The following LYPLAL1 variants were observed in gnomAD, a reference collection of about 807,000 sequenced individuals.
LYPLAL1 encodes lysophospholipase-like protein 1.
A neutral mutation model predicts 19.7 loss-of-function variants in LYPLAL1; 23 were observed. That is an observed-to-expected ratio of 1.17 (90% CI 0.84 to 1.65). LYPLAL1 has a LOEUF of 1.65. Ranked by LOEUF, LYPLAL1 falls within the 40% of genes most tolerant of loss-of-function variation. The pLI, the probability that LYPLAL1 is intolerant of heterozygous loss-of-function variation, is 0.00. For missense variants in LYPLAL1, 355 were observed against 279.4 expected (o/e 1.27, Z -1.93); for synonymous variants, 119 against 96.3 (o/e 1.24, Z -1.38).
chr1:219,233,270 A>C, the LYPLAL1 span, among the ~76,000 whole-genome samples: 1 of 152,214 alleles, frequency 6.6e-6, no homozygotes, highest in Admixed American at 6.5e-5. Flanking sequence ...ACAAAAGGAC[A>C]ACCACTTATT....
the LYPLAL1 span, chr1:219,222,520 A>G: frequency 6.6e-6 from 1 of 152,162 alleles, no homozygotes; most frequent in African/African-American, 2.4e-5. Context: ...CCATCTTCAA[A>G]TGGATCAAAG....
the LYPLAL1 span, among the ~76,000 whole-genome samples, chr1:219,416,069 C>G: frequency 6.6e-6 from 1 of 152,144 alleles, no homozygotes; most frequent in Non-Finnish European, 1.5e-5. Flanking sequence ...ATAGAGTTCC[C>G]ATATACTCCA....
Position 219,179,148 on chromosome 1 carries a change from T to G in LYPLAL1, c.93T>G (p.Gly31=). The G allele has an allele frequency of 6.3e-7, 1 of 1,598,682 alleles. No individual in the cohort carries two copies. Among genetic ancestry groups the G allele is most frequent in the Non-Finnish European group, 8.5e-7 (1 of 1,173,190 alleles). ...SASLIFLHGS[G]DSGQGLRMWI... is the part of the protein sequence containing the mutation. ...AATCTAGATTTTTTGATTCATCAGG[T>G]GATTCTGGACAAGGATTAAGAATGT... Residue 31 remains glycine (G), a splice_region_variant and synonymous_variant, in exon 2 of 5, where the codon GGT becomes GGG. Coordinates refer to ENST00000366928, the MANE Select transcript of LYPLAL1 (RefSeq NM_138794.5).
chr1:219,286,782 A>G, the LYPLAL1 span, among the ~76,000 whole-genome samples: 1 of 152,188 alleles, frequency 6.6e-6, no homozygotes, highest in Non-Finnish European at 1.5e-5. Context: ...TTTGCTCCAT[A>G]AGATTTGCCT....
At chr1:219,320,386 C>A in the LYPLAL1 span, among the ~76,000 whole-genome samples, 1 of 152,034 alleles carries the variant, frequency 6.6e-6, no homozygotes, top group Non-Finnish European at 1.5e-5. Flanking sequence ...CCAACTTCTT[C>A]TTGATCGTCA....
chr1:219,270,065 A>C, the LYPLAL1 span, among the ~76,000 whole-genome samples: 1 of 152,244 alleles, frequency 6.6e-6, no homozygotes, highest in Non-Finnish European at 1.5e-5. Context: ...AAATGGGCAT[A>C]AAGGCTAGAT....
At chr1:219,362,605 C>T in the LYPLAL1 span, among the ~76,000 whole-genome samples, 117 of 152,138 alleles carry the variant, frequency 7.7e-4, no homozygotes, top group Non-Finnish European at 1.5e-3. Context: ...GAATGGGGTA[C>T]GGAAGTGGCA....
chr1:219,179,505 A>G (rs979929693), intron 2 of LYPLAL1: 11 of 338,238 alleles, frequency 3.3e-5, no homozygotes, highest in African/African-American at 2.2e-4. Flanking sequence ...GGCTTATGTA[A>G]CTCTGCTTCC....
At chr1:219,333,170 T>A in the LYPLAL1 span, among the ~76,000 whole-genome samples, 1 of 151,992 alleles carries the variant, frequency 6.6e-6, no homozygotes, top group Non-Finnish European at 1.5e-5. Context: ...TCCAAAATAA[T>A]CTCCCTATTT....
intron 3 of LYPLAL1, among the ~76,000 whole-genome samples, chr1:219,195,408 T>C (rs1240205703): frequency 6.6e-6 from 1 of 151,906 alleles, no homozygotes; most frequent in Non-Finnish European, 1.5e-5. Flanking sequence ...AAGATCAGGA[T>C]GAGAAATTGC....
At chr1:219,219,190 C>T in the LYPLAL1 span, among the ~76,000 whole-genome samples, 1 of 152,078 alleles carries the variant, frequency 6.6e-6, no homozygotes, top group Non-Finnish European at 1.5e-5. Flanking sequence ...AAACTTCATA[C>T]CAACTTTTCT....
chr1:219,301,039 T>C, the LYPLAL1 span, among the ~76,000 whole-genome samples: 1 of 149,572 alleles, frequency 6.7e-6, no homozygotes, highest in Non-Finnish European at 1.5e-5. Flanking sequence ...CTGGACAACA[T>C]AGCAAGACTC....
At chr1:219,357,497 C>A in the LYPLAL1 span, among the ~76,000 whole-genome samples, 3 of 152,166 alleles carry the variant, frequency 2.0e-5, no homozygotes, top group Admixed American at 2.0e-4. Flanking sequence ...AGATACCATA[C>A]TCACTACTAG....
chr1:219,260,787 A>G, the LYPLAL1 span, among the ~76,000 whole-genome samples: 1 of 151,664 alleles, frequency 6.6e-6, no homozygotes, highest in South Asian at 2.1e-4. Context: ...CTGTATTTCC[A>G]TGGAATATTT....
chr1:219,419,594 C>CACACACACACACACACACACACAGAG, the LYPLAL1 span, among the ~76,000 whole-genome samples: 1 of 99,530 alleles, frequency 1.0e-5, no homozygotes, highest in African/African-American at 4.0e-5. Flanking sequence ...CACACACACA[C>CACACACACACACACACACACACAGAG]AGAGAGAGAG....
chr1:219,318,390 T>G, the LYPLAL1 span, among the ~76,000 whole-genome samples: 1 of 148,520 alleles, frequency 6.7e-6, no homozygotes, highest in Non-Finnish European at 1.5e-5. Context: ...CTCCCCACAG[T>G]CCCCCATCCC....
At chr1:219,203,111 C>G (rs765669060) in intron 3 of LYPLAL1, among the ~76,000 whole-genome samples, 6 of 152,074 alleles carry the variant, frequency 3.9e-5, no homozygotes, top group Admixed American at 6.6e-5. Flanking sequence ...ATAATCTGTT[C>G]AGATTTCTGA....
chr1:219,393,375 G>A, the LYPLAL1 span, among the ~76,000 whole-genome samples: 1 of 152,094 alleles, frequency 6.6e-6, no homozygotes, highest in Admixed American at 6.6e-5. Context: ...TCTGTCCTGG[G>A]CTCTGTACCT....
chr1:219,425,574 G>A, the LYPLAL1 span, among the ~76,000 whole-genome samples: 1 of 152,112 alleles, frequency 6.6e-6, no homozygotes, highest in African/African-American at 2.4e-5. Flanking sequence ...ATCCTCAATT[G>A]CCTCACTTGT....
Sources: gnomAD v4.1 joint callset for allele counts (sites outside exome capture counted in the v4.1 genomes callset) on GRCh38, gnomAD v4.1.1 for gene constraint, MANE v1.5 for transcripts, NCBI Gene and HGNC (gene_info 2026-07-23, HGNC 2026-07-21) for gene names.